Variants in GPHN observed in about 807,000 individuals in gnomAD.
The protein encoded by GPHN is gephyrin.
GPHN carries 17 observed loss-of-function variants against 95.5 expected under a neutral mutation model. The ratio of observed to expected loss-of-function variants is 0.18; its 90% confidence interval spans 0.12 to 0.27. GPHN has a LOEUF of 0.27. Ranked by LOEUF, GPHN falls within the 10% of genes least tolerant of loss-of-function variation. The probability of loss-of-function intolerance (pLI) is 1.00; values close to 1 mark genes in which losing one functional copy is unlikely to be tolerated. For synonymous variants in GPHN, 320 were observed against 322.5 expected (o/e 0.99, Z 0.08); for missense variants, 660 against 978.1 (o/e 0.67, Z 4.34).
At chr14:66,596,470 C>G (rs548614333) in intron 1 of GPHN, among the ~76,000 whole-genome samples, 155 of 152,266 alleles carry the variant, frequency 1.0e-3, no homozygotes, top group African/African-American at 3.4e-3. Context: ...AGGCCTGCAT[C>G]AAGCCACTCT....
chr14:66,870,262 C>G (rs1013719215), intron 4 of GPHN, among the ~76,000 whole-genome samples: 3 of 152,160 alleles, frequency 2.0e-5, no homozygotes, highest in Non-Finnish European at 4.4e-5. Context: ...CCTACCCCAA[C>G]CAACTCACCA....
chr14:67,729,335 G>T, the GPHN span: 3 of 1,599,200 alleles, frequency 1.9e-6, no homozygotes, highest in Non-Finnish European at 2.5e-6. Flanking sequence ...AGCCTGCACT[G>T]CGCCCTGGCT....
the GPHN span, chr14:67,576,247 C>A: frequency 1.6e-6 from 1 of 617,556 alleles, no homozygotes; most frequent in Admixed American, 3.0e-5. This position sits in a 1 kb window ranked among gnomAD's most constrained non-coding sequence, Gnocchi z 4.0. Flanking sequence ...TTCACCTGAT[C>A]CTCAGTCTTT....
chr14:67,501,207 T>A, the GPHN span, among the ~76,000 whole-genome samples: 19 of 151,880 alleles, frequency 1.3e-4, no homozygotes, highest in Non-Finnish European at 2.2e-4. Flanking sequence ...TGAGGACACA[T>A]CAGTTCATCC....
chr14:66,784,772 GTGTTTAAGTGATTCACAA>G (rs1350267156), intron 3 of GPHN, among the ~76,000 whole-genome samples: 1 of 152,120 alleles, frequency 6.6e-6, no homozygotes, highest in African/African-American at 2.4e-5. Context: ...ATTCTAAAAA[GTGTTTAAGTGATTCACAA>G]TAAGCAAGCA....
intron 3 of GPHN, among the ~76,000 whole-genome samples, chr14:66,780,539 T>G (rs1028907309): frequency 1.3e-5 from 2 of 151,886 alleles, no homozygotes; most frequent in African/African-American, 4.8e-5. Flanking sequence ...TTTTTCATTG[T>G]GTGTGCTTTT....
intron 18 of GPHN, 87 bp from the exon 19 acceptor site, chr14:67,159,328 A>G (rs375858164): frequency 1.1e-5 from 9 of 839,984 alleles, no homozygotes; most frequent in Non-Finnish European, 1.7e-5. Context: ...TTTCATTTCA[A>G]TCTTATTAAT....
the GPHN span, among the ~76,000 whole-genome samples, chr14:67,331,848 G>T: frequency 6.6e-6 from 1 of 152,180 alleles, no homozygotes; most frequent in Non-Finnish European, 1.5e-5. Flanking sequence ...AAAAATGTCA[G>T]TGTGTTCAGT....
chr14:67,430,257 A>C, the GPHN span, among the ~76,000 whole-genome samples: 1 of 152,210 alleles, frequency 6.6e-6, no homozygotes, highest in Non-Finnish European at 1.5e-5. Flanking sequence ...CTGTATACTC[A>C]GGTTCATCTA....
chr14:67,194,223 G>A, the GPHN span, among the ~76,000 whole-genome samples: 2 of 151,818 alleles, frequency 1.3e-5, no homozygotes, highest in African/African-American at 4.8e-5. Context: ...AATTAGCCAG[G>A]TGTGATGGCA....
chr14:66,672,876 T>C (rs1458798773), intron 1 of GPHN, among the ~76,000 whole-genome samples: 2 of 152,222 alleles, frequency 1.3e-5, no homozygotes, highest in Non-Finnish European at 2.9e-5. Flanking sequence ...TCTCTGTTTT[T>C]TAATTGGTGC....
the GPHN span, among the ~76,000 whole-genome samples, chr14:67,432,446 G>GA: frequency 3.9e-5 from 6 of 152,188 alleles, no homozygotes; most frequent in African/African-American, 7.2e-5. Context: ...TCAGGAAACA[G>GA]AAAAATATCT....
At chr14:66,635,665 C>T (rs11158641) in intron 1 of GPHN, among the ~76,000 whole-genome samples, 38,406 of 151,914 alleles carry the variant, frequency 0.25, 9,782 homozygotes, top group African/African-American at 0.62. Context: ...ACAAAAACAA[C>T]GACGAAAAAG....
At chr14:67,088,700 G>A (rs1437898130) in intron 11 of GPHN, among the ~76,000 whole-genome samples, 1 of 152,184 alleles carries the variant, frequency 6.6e-6, no homozygotes, top group African/African-American at 2.4e-5. Flanking sequence ...GGTTGTTAAA[G>A]GATTACTGAC....
At chr14:67,647,284 T>C in the GPHN span, 1 of 363,654 alleles carries the variant, frequency 2.7e-6, no homozygotes, top group South Asian at 5.8e-5. Flanking sequence ...GCTTATCTTC[T>C]GAGATGACAA....
intron 18 of GPHN, among the ~76,000 whole-genome samples, chr14:67,150,033 G>A (rs1293438600): frequency 6.6e-6 from 1 of 151,974 alleles, no homozygotes; most frequent in Non-Finnish European, 1.5e-5. Flanking sequence ...TTAGAAATTA[G>A]GTATCTTACG....
chr14:66,881,171 A>T (rs1272047543), intron 5 of GPHN, among the ~76,000 whole-genome samples: 1 of 151,980 alleles, frequency 6.6e-6, no homozygotes, highest in African/African-American at 2.4e-5. Context: ...GTCATTAGTT[A>T]CTATGTTCTT....
chr14:67,320,315 T>A, the GPHN span: 5 of 1,613,792 alleles, frequency 3.1e-6, no homozygotes, highest in Non-Finnish European at 4.2e-6. Context: ...TCATCTTGAT[T>A]GGTCCACAGA....
At chr14:67,171,384 A>G (rs2082589370) in intron 21 of GPHN, among the ~76,000 whole-genome samples, 1 of 151,976 alleles carries the variant, frequency 6.6e-6, no homozygotes, top group African/African-American at 2.4e-5. Context: ...GAAAAAAAAA[A>G]AGAAAAAGAA....
Sources: gnomAD v4.1 joint callset for allele counts (sites outside exome capture counted in the v4.1 genomes callset) on GRCh38, gnomAD v4.1.1 for gene constraint, Gnocchi (gnomAD v3.1) non-coding constraint, MANE v1.5 for transcripts, NCBI Gene and HGNC (gene_info 2026-07-23, HGNC 2026-07-21) for gene names.